Variants in TAF5 observed in about 807,000 individuals in gnomAD.
TAF5 encodes the protein TATA-box binding protein associated factor 5.
In TAF5, 20 loss-of-function variants were observed where a neutral mutation model predicts 80.9. That is an observed-to-expected ratio of 0.25 (90% confidence interval 0.17 to 0.36). The LOEUF is 0.36. TAF5 is among the 10% of genes least tolerant of loss of function. TAF5 has a pLI of 1.00. For missense variants in TAF5, 863 were observed against 1,029.4 expected (o/e 0.84, Z 2.21); for synonymous variants, 388 against 406.4 (o/e 0.95, Z 0.55).
At chr10:103,373,178 A>G (rs931286353) in intron 1 of TAF5, among the ~76,000 whole-genome samples, 180 bp from the exon 2 acceptor site, 4 of 151,696 alleles carry the variant, frequency 2.6e-5, no homozygotes, top group Non-Finnish European at 5.9e-5. Context: ...GCCTGGCGAC[A>G]GAGCCAGACT....
In TAF5 at chr10:103,381,036, G is replaced by A. The variant is rs1455847109; in HGVS notation, c.1414-685G>A. ...GCAATTTTGGCTCACTGCAACCTCCGCCTCCCAGTTCAAGTGATTCTCCTG... is the reference window on the plus strand; with the variant it reads ...GCAATTTTGGCTCACTGCAACCTCCACCTCCCAGTTCAAGTGATTCTCCTG... On this transcript the variant is annotated intron_variant, in intron 5 of 10. Coordinates refer to ENST00000369839, the MANE Select transcript of TAF5 (RefSeq NM_006951.5). Among the ~76,000 whole-genome samples the A allele has an allele frequency of 2.0e-5, 3 of 151,670 alleles. No homozygotes were observed. The South Asian group carries it at 6.2e-4, about 32-fold the overall frequency.
Position 103,374,821 on chromosome 10 carries a change from AC to A in TAF5, c.797+1228del, listed in dbSNP as rs1592091516. ...GAGGTGGAATTGCTCCTTCCACTAG[AC>A]CATTTGAAAATGTGTAGAGGTGGCC... On this transcript the variant is annotated intron_variant, in intron 2 of 10. Coordinates refer to ENST00000369839, the MANE Select transcript of TAF5 (RefSeq NM_006951.5). This position sits in a 1 kb window ranked among gnomAD's most constrained non-coding sequence, Gnocchi z 4.3. Among the ~76,000 whole-genome samples, 1 of 152,172 alleles carries A rather than the reference AC, an allele frequency of 6.6e-6. No homozygotes were observed. The highest frequency in any genetic ancestry group is 1.5e-5 in the Non-Finnish European group (1 of 68,034).
rs1038312873 is a variant in TAF5, at chr10:103,383,663, C to T, written c.1664+296C>T. Among the ~76,000 whole-genome samples the T allele has an allele frequency of 4.0e-5, 6 of 150,694 alleles. No individual in the cohort carries two copies. In the Admixed American group the frequency reaches 4.0e-4, roughly 10 times the overall value. On this transcript the variant is annotated intron_variant, in intron 7 of 10. Coordinates refer to ENST00000369839, the MANE Select transcript of TAF5 (RefSeq NM_006951.5). ...GCGTGATCTTGGCTTACCGCAACCT[C>T]CGCCTCCTGGGTTCAAGCGATTCTC... is the stretch of plus-strand genomic sequence containing the variant.
At chr10:103,377,441 T>C (rs1227492149) in intron 2 of TAF5, among the ~76,000 whole-genome samples, 1 of 152,262 alleles carries the variant, frequency 6.6e-6, no homozygotes, top group African/African-American at 2.4e-5. Flanking sequence ...CTAATATGTT[T>C]AGTCATTGTT....
chr10:103,373,020 T>C (rs1199899058), intron 1 of TAF5, among the ~76,000 whole-genome samples: 1 of 151,552 alleles, frequency 6.6e-6, no homozygotes, highest in Non-Finnish European at 1.5e-5. Flanking sequence ...CTGGCCAACA[T>C]GGTGAAACCC....
At chr10:103,371,182 G>T (rs1216037967) in intron 1 of TAF5, among the ~76,000 whole-genome samples, 1 of 151,008 alleles carries the variant, frequency 6.6e-6, no homozygotes, top group Non-Finnish European at 1.5e-5. Context: ...GGCAGAAGTT[G>T]CAGTGAGCTG....
In TAF5 at chr10:103,368,530, C is replaced by A; in HGVS notation, c.541C>A (p.Pro181Thr). 2.6e-6 allele frequency: 4 copies of A among 1,537,742 alleles called. No homozygotes were observed. Among genetic ancestry groups the A allele is most frequent in the Non-Finnish European group, 3.5e-6 (4 of 1,151,684 alleles). Reference protein sequence around the residue: ...ATVVSGSASGPAAPGKVGSVA... With the variant: ...ATVVSGSASGTAAPGKVGSVA... ...GGTCGTCTCAGGTTCAGCCTCAGGT[C>A]CTGCGGCTCCGGGTAAAGGTGAGCC... The change falls in exon 1 of 11, where the codon CCT becomes ACT. Residue 181 changes from proline to threonine, a missense_variant. This residue lies in a region of TAF5 where 367 missense variants were observed against 335.5 expected (regional missense o/e 1.09). Transcript: ENST00000369839.
chr10:103,375,408 A>G (rs2093368252), intron 2 of TAF5, among the ~76,000 whole-genome samples: 1 of 152,150 alleles, frequency 6.6e-6, no homozygotes. Flanking sequence ...TGGCCGTTCT[A>G]GCTGGATAGG....
intron 6 of TAF5, 23 bp from the exon 7 acceptor site, chr10:103,383,215 T>C (rs779700559): frequency 2.6e-6 from 4 of 1,531,176 alleles, no homozygotes; most frequent in Admixed American, 2.3e-5. Flanking sequence ...TTATAAAATA[T>C]CAATATTTCT....
In TAF5 at chr10:103,378,547, A is replaced by T. The variant is rs548612253; in HGVS notation, c.1110A>T (p.Ser370=). The part of the protein sequence containing the change: ...AGEAKREANK[S]KVFFGLLKEP... ...AGGCTAAACGAGAGGCAAACAAATC[A>T]AAGGTATGGGAATGAACCTAAGAAC... The change falls in exon 3 of 11, where the codon TCA becomes TCT. Residue 370 remains serine (S), a synonymous_variant. Transcript: ENST00000369839. The surrounding 1 kb of genome is among the most constrained non-coding windows in gnomAD (Gnocchi z 4.1). 6.2e-7 allele frequency: 1 copy of T among 1,612,076 alleles called. No individual in the cohort carries two copies. The highest frequency in any genetic ancestry group is 8.5e-7 in the Non-Finnish European group (1 of 1,178,858).
Position 103,367,977 on chromosome 10 carries a change from G to C in TAF5, c.-13G>C. The C allele has an allele frequency of 1.4e-6, 2 of 1,452,792 alleles. No homozygotes were observed. The highest frequency in any genetic ancestry group is 1.8e-6 in the Non-Finnish European group (2 of 1,110,326). The allele number at this position is 1,452,792 out of a possible 1,614,324, so 90.0% of individuals were successfully genotyped here. A position where few individuals can be genotyped will look rare whatever the true frequency, so the allele number is the denominator to read the frequency against. On this transcript the variant is annotated 5_prime_UTR_variant, in exon 1 of 11. Coordinates refer to ENST00000369839, the MANE Select transcript of TAF5 (RefSeq NM_006951.5). ...CAATCACGCTTGACGGCGCGAGGTG[G>C]CTCAGCCGCAAGATGGCGGCGCTGG...
At position 103,373,611 on chromosome 10, in the gene TAF5, C is replaced by CAT. The variant is rs376602897; in HGVS notation, c.797+28_797+29dup. 0.013 allele frequency: 19,748 copies of CAT among 1,527,894 alleles called. 111 individuals carry two copies. Among genetic ancestry groups the CAT allele is most frequent in the Middle Eastern group, 0.03 (174 of 5,882 alleles). The allele number at this position is 1,527,894 out of a possible 1,614,324, so 94.6% of individuals were successfully genotyped here. ...TCTTTGAGAAGTATGTAAATTTTTACATATATATATATACACACATACGTA... is the reference window on the plus strand; with the variant it reads ...TCTTTGAGAAGTATGTAAATTTTTACATATATATATATATACACACATACGTA... On this transcript the variant is annotated intron_variant, in intron 2 of 10. Coordinates refer to ENST00000369839, the MANE Select transcript of TAF5 (RefSeq NM_006951.5).
chr10:103,378,561 G>A lies in TAF5; in HGVS notation c.1113+11G>A. ...GCAAACAAATCAAAGGTATGGGAAT[G>A]AACCTAAGAACTCTATAATGCAGAT... On this transcript the variant is annotated intron_variant, in intron 3 of 10. Transcript: ENST00000369839. This position sits in a 1 kb window ranked among gnomAD's most constrained non-coding sequence, Gnocchi z 4.1. The A allele has an allele frequency of 6.2e-7, 1 of 1,602,844 alleles. No individual in the cohort carries two copies. The highest frequency in any genetic ancestry group is 1.1e-5 in the South Asian group (1 of 89,476).
At chr10:103,387,014 TGTGA>T (rs1296382063) in intron 8 of TAF5, among the ~76,000 whole-genome samples, 157 bp from the exon 9 acceptor site, 2 of 151,988 alleles carry the variant, frequency 1.3e-5, no homozygotes, top group Non-Finnish European at 2.9e-5. Context: ...CTCTTAGGAC[TGTGA>T]GTCTCATTTT....
chr10:103,387,980 A>C, intron 10 of TAF5, 26 bp from the exon 11 acceptor site: 3 of 1,587,704 alleles, frequency 1.9e-6, no homozygotes, highest in Non-Finnish European at 2.6e-6. Flanking sequence ...GGATGCAACT[A>C]ATGGTTTCCT....
Position 103,368,139 on chromosome 10 carries a change from C to T in TAF5, c.150C>T (p.Asn50=), listed in dbSNP as rs1218905647. ...ACGGCCCCAACGGCGGCGGCGGGAA[C>T]GTTGCGGCGTCGTCGTCCACTGGCG... ...TNNGPNGGGG[N]VAASSSTGGD... is the part of the protein sequence containing the mutation. The change falls in exon 1 of 11, where the codon AAC becomes AAT. Residue 50 remains asparagine, a synonymous_variant. Transcript: ENST00000369839. 1 of 1,396,282 alleles carries T rather than the reference C, an allele frequency of 7.2e-7. No homozygotes were observed. Among genetic ancestry groups the T allele is most frequent in the East Asian group, 3.0e-5 (1 of 32,960 alleles). The allele number at this position is 1,396,282 out of a possible 1,614,324, so 86.5% of individuals were successfully genotyped here.
At chr10:103,385,579 C>A in intron 8 of TAF5, 89 bp downstream of exon 8, 1 of 1,390,866 alleles carries the variant, frequency 7.2e-7, no homozygotes, top group East Asian at 2.4e-5. Context: ...AATTCATTTA[C>A]ACTTCCATTA....
At chr10:103,376,160 C>T (rs759709685) in intron 2 of TAF5, among the ~76,000 whole-genome samples, 11 of 151,404 alleles carry the variant, frequency 7.3e-5, no homozygotes, top group East Asian at 3.9e-4. Context: ...GGCGCCATCT[C>T]GGCTCACTGC....
At chr10:103,386,809 G>C (rs887609577) in intron 8 of TAF5, among the ~76,000 whole-genome samples, 7 of 151,870 alleles carry the variant, frequency 4.6e-5, no homozygotes, top group Non-Finnish European at 8.8e-5. Context: ...GATTACAGGC[G>C]TGCGCCACCA....
Sources: gnomAD v4.1 joint callset for allele counts (sites outside exome capture counted in the v4.1 genomes callset) on GRCh38, gnomAD v4.1.1 for gene constraint, gnomAD v4.1.1 regional missense constraint, Gnocchi (gnomAD v3.1) non-coding constraint, MANE v1.5 for transcripts, NCBI Gene and HGNC (gene_info 2026-07-23, HGNC 2026-07-21) for gene names.